Variants in SPATS2 observed in about 807,000 individuals in gnomAD.
The protein encoded by SPATS2 is spermatogenesis associated serine rich 2, also known as spermatogenesis-associated serine-rich protein 2.
In SPATS2, 38 loss-of-function variants were observed where a neutral mutation model predicts 63.7. The observed-to-expected ratio is 0.60, with a 90% CI of 0.46 to 0.78. The LOEUF (loss-of-function observed/expected upper bound fraction) is 0.78. Ranked by LOEUF, SPATS2 falls within the 30% of genes least tolerant of loss-of-function variation. The probability of loss-of-function intolerance (pLI) is 0.00; values close to 1 mark genes in which losing one functional copy is unlikely to be tolerated. For missense variants in SPATS2, 588 were observed against 666.2 expected (o/e 0.88, Z 1.29); for synonymous variants, 207 against 232.9 (o/e 0.89, Z 1.01).
intron 2 of SPATS2, among the ~76,000 whole-genome samples, chr12:49,447,598 A>G (rs997505798): frequency 6.6e-6 from 1 of 152,234 alleles, no homozygotes; most frequent in Non-Finnish European, 1.5e-5. Context: ...TAAATATTTG[A>G]TAAGACACAA....
At chr12:49,487,448 A>G in intron 4 of SPATS2, among the ~76,000 whole-genome samples, 1 of 152,192 alleles carries the variant, frequency 6.6e-6, no homozygotes, top group East Asian at 1.9e-4. Context: ...AGATCTCACC[A>G]CTATACTCCA....
intron 2 of SPATS2, among the ~76,000 whole-genome samples, chr12:49,421,098 G>T (rs917069993): frequency 3.9e-5 from 6 of 152,228 alleles, no homozygotes; most frequent in African/African-American, 1.4e-4. Context: ...TACACTGATA[G>T]AATTTATTTG....
chr12:49,370,678 A>T (rs1396424914), intron 1 of SPATS2, among the ~76,000 whole-genome samples: 1 of 152,120 alleles, frequency 6.6e-6, no homozygotes, highest in East Asian at 1.9e-4. Context: ...TAGAGACAGG[A>T]TCTCGCTATG....
chr12:49,516,065 A>G (rs1946833489), intron 10 of SPATS2, among the ~76,000 whole-genome samples: 1 of 137,722 alleles, frequency 7.3e-6, no homozygotes, highest in Non-Finnish European at 1.5e-5. Context: ...ACTTGAACCC[A>G]GGGGGCAGAG....
intron 8 of SPATS2, among the ~76,000 whole-genome samples, chr12:49,499,357 C>T (rs1946523035): frequency 6.6e-6 from 1 of 152,050 alleles, no homozygotes; most frequent in Non-Finnish European, 1.5e-5. Flanking sequence ...CAAACTGTCC[C>T]TGGCCTGGTG....
chr12:49,424,737 C>T (rs887981684), intron 2 of SPATS2, among the ~76,000 whole-genome samples: 1 of 152,092 alleles, frequency 6.6e-6, no homozygotes, highest in Admixed American at 6.6e-5. Context: ...AGTGAAGTGG[C>T]GAGATCTTGG....
chr12:49,471,022 C>A (rs985019364), intron 3 of SPATS2, among the ~76,000 whole-genome samples: 21 of 152,148 alleles, frequency 1.4e-4, no homozygotes, highest in African/African-American at 5.1e-4. Flanking sequence ...CAAACAAACT[C>A]AATTTTTAAA....
chr12:49,406,841 AT>A (rs1164017058), intron 2 of SPATS2, among the ~76,000 whole-genome samples: 1 of 152,162 alleles, frequency 6.6e-6, no homozygotes, highest in Non-Finnish European at 1.5e-5. Flanking sequence ...AGGCGTTCTT[AT>A]TCTTAAGGAT....
intron 2 of SPATS2, among the ~76,000 whole-genome samples, chr12:49,428,541 G>A (rs577047081): frequency 6.6e-6 from 1 of 152,236 alleles, no homozygotes; most frequent in African/African-American, 2.4e-5. Context: ...GTTTCTTTGT[G>A]ACTGGCTTAT....
chr12:49,443,938 A>C (rs74089508), intron 2 of SPATS2, among the ~76,000 whole-genome samples: 7,531 of 152,258 alleles, frequency 0.049, 364 homozygotes, highest in African/African-American at 0.12. Context: ...CAAAATTTTC[A>C]AAATTGTTTT....
chr12:49,466,631 CTCTGT>C (rs1264217764), intron 3 of SPATS2, among the ~76,000 whole-genome samples: 17 of 152,132 alleles, frequency 1.1e-4, no homozygotes, highest in African/African-American at 4.1e-4. Flanking sequence ...TATTTCTGGA[CTCTGT>C]TCTGTTACAT....
chr12:49,482,870 C>T (rs975105515), intron 3 of SPATS2, among the ~76,000 whole-genome samples: 40 of 151,880 alleles, frequency 2.6e-4, no homozygotes, highest in African/African-American at 9.2e-4. Flanking sequence ...CTCATTGCAG[C>T]CTCAACCTGC....
intron 4 of SPATS2, 59 bp downstream of exon 4, chr12:49,484,728 T>TACG: frequency 6.9e-7 from 1 of 1,456,964 alleles, no homozygotes; most frequent in Non-Finnish European, 9.6e-7. Flanking sequence ...TAGGTACTAA[T>TACG]ACGACTAGTG....
At chr12:49,420,366 A>G (rs11169009) in intron 2 of SPATS2, among the ~76,000 whole-genome samples, 52,061 of 152,100 alleles carry the variant, frequency 0.34, 12,639 homozygotes, top group African/African-American at 0.69. Flanking sequence ...GGCCGCGGCC[A>G]GCAGACCACC....
intron 2 of SPATS2, among the ~76,000 whole-genome samples, chr12:49,453,510 T>G (rs751244661): frequency 1.1e-4 from 17 of 152,166 alleles, no homozygotes; most frequent in African/African-American, 1.7e-4. Flanking sequence ...TTTTTTAAAT[T>G]ATTATTTAAA....
intron 2 of SPATS2, among the ~76,000 whole-genome samples, chr12:49,453,345 C>T (rs1395038189): frequency 6.6e-6 from 1 of 151,700 alleles, no homozygotes; most frequent in African/African-American, 2.4e-5. Context: ...ATTGTAGCAA[C>T]TTTGATTTCT....
chr12:49,403,638 C>CACACAA (rs1397311361), intron 2 of SPATS2, among the ~76,000 whole-genome samples: 3 of 145,928 alleles, frequency 2.1e-5, no homozygotes, highest in Admixed American at 1.4e-4. Flanking sequence ...CACACACACA[C>CACACAA]ACAAACAAAA....
chr12:49,483,146 A>AG (rs1346033462), intron 3 of SPATS2, among the ~76,000 whole-genome samples: 1 of 145,490 alleles, frequency 6.9e-6, no homozygotes, highest in Non-Finnish European at 1.5e-5. Context: ...GGAAAAAAAA[A>AG]AAAAAAACAG....
chr12:49,380,994 A>C (rs924731244), intron 2 of SPATS2, among the ~76,000 whole-genome samples: 8 of 151,718 alleles, frequency 5.3e-5, no homozygotes. Flanking sequence ...ACCATTTTAC[A>C]TTCCTACCAG....
Sources: allele counts gnomAD v4.1 joint callset (sites outside exome capture counted in the v4.1 genomes callset), GRCh38; gene constraint gnomAD v4.1.1; transcripts MANE v1.5; gene names NCBI Gene and HGNC (gene_info 2026-07-23, HGNC 2026-07-21).